The following CRTAP variants were observed in gnomAD, a reference collection of about 807,000 sequenced individuals.
CRTAP encodes the protein cartilage-associated protein.
Under a neutral mutation model 42.7 loss-of-function variants are expected in CRTAP, and 33 were observed. The ratio of observed to expected loss-of-function variants is 0.77; its 90% confidence interval spans 0.59 to 1.03. The LOEUF is 1.03. Ranked by LOEUF, CRTAP falls within the 50% of genes least tolerant of loss-of-function variation. The probability of loss-of-function intolerance (pLI) is 0.00; values close to 1 mark genes in which losing one functional copy is unlikely to be tolerated. For synonymous variants in CRTAP, 243 were observed against 217.7 expected, an observed-to-expected ratio of 1.12 and a Z score of -1.02; for missense variants, 613 against 533.9, an observed-to-expected ratio of 1.15 and a Z score of -1.46.
chr3:33,127,696 C>T (rs1303206506), intron 3 of CRTAP, among the ~76,000 whole-genome samples: 1 of 152,038 alleles, frequency 6.6e-6, no homozygotes, highest in Non-Finnish European at 1.5e-5. Flanking sequence ...GATCCACCCA[C>T]CTCGGCCTCC....
In CRTAP at chr3:33,124,554, C is replaced by G. The variant is rs771794551; in HGVS notation, c.768C>G (p.Phe256Leu). The change falls in exon 3 of 7, where the codon TTC becomes TTG. Residue 256 changes from phenylalanine to leucine, a missense_variant. By Grantham distance (22) the Phe-to-Leu change is conservative. Transcript: ENST00000320954. Reference sequence around the variant, plus strand: ...AGGGTTCCAGGGAGATCAAGGACTTCAAGGATTTCTACCTTTCCATAGCAG... The same window carrying G: ...AGGGTTCCAGGGAGATCAAGGACTTGAAGGATTTCTACCTTTCCATAGCAG... ...ACEGSREIKDFKDFYLSIADH... is the reference protein window; with the variant it reads ...ACEGSREIKDLKDFYLSIADH... 6.2e-7 allele frequency: 1 copy of G among 1,614,214 alleles called. No homozygotes were observed. Among genetic ancestry groups the G allele is most frequent in the Admixed American group, 1.7e-5 (1 of 60,020 alleles).
At chr3:33,119,265 T>C (rs914472331) in intron 1 of CRTAP, among the ~76,000 whole-genome samples, 2 of 152,224 alleles carry the variant, frequency 1.3e-5, no homozygotes, top group African/African-American at 4.8e-5. Flanking sequence ...TATTGTGTCC[T>C]GCCTTGTCCT....
In CRTAP at chr3:33,142,842, C is replaced by T. The variant is rs568718971; in HGVS notation, c.*394C>T. The T allele has an allele frequency of 4.8e-5, 11 of 227,104 alleles. No homozygotes were observed. Among genetic ancestry groups the T allele is most frequent in the East Asian group, 1.0e-4 (1 of 9,926 alleles). 14.1% of individuals were successfully genotyped at this position (227,104 alleles called of 1,614,324 possible). A position where few individuals can be genotyped will look rare whatever the true frequency, so the allele number is the denominator to read the frequency against. On this transcript the variant is annotated 3_prime_UTR_variant, in exon 7 of 7. Coordinates refer to ENST00000320954, the MANE Select transcript of CRTAP (RefSeq NM_006371.5). Reference sequence around the variant, plus strand: ...GCTAATTTTGTATTTTTAGTAGAGACGGGGTTTTGCCATGTTGGCCAGGCT... The same window carrying T: ...GCTAATTTTGTATTTTTAGTAGAGATGGGGTTTTGCCATGTTGGCCAGGCT...
At position 33,132,429 on chromosome 3, in the gene CRTAP, C is replaced by T. The variant is rs539739968; in HGVS notation, c.923-126C>T. ...CTGCCCACCCAGGGCTGCCAGTCGG[C>T]CCCAGGCTCTCTGAAGAAGGACTGT... is the stretch of plus-strand genomic sequence containing the variant. On this transcript the variant is annotated intron_variant, in intron 4 of 6. Coordinates refer to ENST00000320954, the MANE Select transcript of CRTAP (RefSeq NM_006371.5). 70 of 1,385,248 alleles carry T rather than the reference C, an allele frequency of 5.1e-5. No individual in the cohort carries two copies. In the East Asian group the frequency reaches 1.4e-3, roughly 27 times the overall value. The allele number at this position is 1,385,248 out of a possible 1,614,324, so 85.8% of individuals were successfully genotyped here. A position where few individuals can be genotyped will look rare whatever the true frequency, so the allele number is the denominator to read the frequency against.
intron 3 of CRTAP, 114 bp downstream of exon 3, chr3:33,124,693 C>T (rs934493506): frequency 2.0e-5 from 25 of 1,261,162 alleles, no homozygotes; most frequent in Non-Finnish European, 2.8e-5. Flanking sequence ...AATTTTTGAG[C>T]ATACTTATTA....
In CRTAP at chr3:33,122,709, CAAAAAAAAAAAA is replaced by C. The variant is rs58820155; in HGVS notation, c.622-1687_622-1676del. On this transcript the variant is annotated intron_variant, in intron 2 of 6. Coordinates refer to ENST00000320954, the MANE Select transcript of CRTAP (RefSeq NM_006371.5). ...TGGGCAACAGAGCAAGACTCTGTCT[CAAAAAAAAAAAA>C]AAAAAAAAAAAGAAGAAGAAAATCC... 4.8e-3 allele frequency among the ~76,000 whole-genome samples: 417 copies of C among 87,530 alleles called. 5 individuals carry two copies. Among genetic ancestry groups the C allele is most frequent in the African/African-American group, 0.018 (406 of 22,446 alleles). The allele number at this position is 87,530 out of a possible 152,430, so 57.4% of individuals were successfully genotyped here. A position where few individuals can be genotyped will look rare whatever the true frequency, so the allele number is the denominator to read the frequency against.
chr3:33,129,368 A>G (rs1235426452), intron 3 of CRTAP, among the ~76,000 whole-genome samples: 1 of 152,188 alleles, frequency 6.6e-6, no homozygotes. Context: ...CCTAATTACA[A>G]AAGAGGTGTA....
chr3:33,114,550 C>G lies in CRTAP; in HGVS notation c.471+2C>G, dbSNP rs137853943. On this transcript the variant is annotated splice_donor_variant, in intron 1 of 6. Coordinates refer to ENST00000320954, the MANE Select transcript of CRTAP (RefSeq NM_006371.5). LOFTEE classifies it high-confidence loss of function. ...TTCCTGCAGTTCGCTTACTTCAAGG[C>G]AAGTCCGCCTCGCCCCGTCCCAGGC... 2 of 1,580,720 alleles carry G rather than the reference C, an allele frequency of 1.3e-6. No individual in the cohort carries two copies. Among genetic ancestry groups the G allele is most frequent in the Non-Finnish European group, 1.7e-6 (2 of 1,164,436 alleles).
intron 6 of CRTAP, among the ~76,000 whole-genome samples, chr3:33,139,475 ATTTTT>A (rs554392214): frequency 7.2e-6 from 1 of 139,146 alleles, no homozygotes. Flanking sequence ...AATTCGTTGA[ATTTTT>A]TTTTTTTTTT....
chr3:33,130,032 C>T lies in CRTAP; in HGVS notation c.887C>T (p.Thr296Ile). ...TATCCGGTTGAGAAATTTGTGGCTA[C>T]CATGTATCATTACTTGCAGTTTGCC... Reference protein sequence around the residue: ...GGYPVEKFVATMYHYLQFAYY... With the variant: ...GGYPVEKFVAIMYHYLQFAYY... Residue 296 changes from threonine (T) to isoleucine (I), a missense_variant, in exon 4 of 7, where the codon ACC (threonine) becomes ATC (isoleucine). Physicochemically the swap from Thr to Ile is moderately conservative, Grantham distance 89. Coordinates refer to ENST00000320954, the MANE Select transcript of CRTAP (RefSeq NM_006371.5). The T allele has an allele frequency of 6.2e-7, 1 of 1,613,760 alleles. No homozygotes were observed. The highest frequency in any genetic ancestry group is 8.5e-7 in the Non-Finnish European group (1 of 1,179,762).
rs2030220211 is a variant in CRTAP, at chr3:33,130,447, T to C, written c.922+380T>C. On this transcript the variant is annotated intron_variant, in intron 4 of 6. Coordinates refer to ENST00000320954, the MANE Select transcript of CRTAP (RefSeq NM_006371.5). ...TTTGTTTTTGTTATCATTATTTCCC[T>C]TCCTCCTTATCACTAGCTTTACTTT... Among the ~76,000 whole-genome samples the C allele has an allele frequency of 1.3e-5, 2 of 152,270 alleles. 1 individual carries two copies. Among genetic ancestry groups the C allele is most frequent in the South Asian group, 4.1e-4 (2 of 4,824 alleles).
At chr3:33,137,639 C>A (rs1252857670) in intron 6 of CRTAP, among the ~76,000 whole-genome samples, 2 of 152,210 alleles carry the variant, frequency 1.3e-5, no homozygotes, top group Non-Finnish European at 2.9e-5. Flanking sequence ...TATTTTCTCA[C>A]AATTTGTGGG....
At chr3:33,129,238 T>C (rs758942194) in intron 3 of CRTAP, among the ~76,000 whole-genome samples, 5 of 152,240 alleles carry the variant, frequency 3.3e-5, no homozygotes, top group African/African-American at 4.8e-5. Flanking sequence ...GTTCCTGTTT[T>C]GCTTCCATCA....
rs371999646 is a variant in CRTAP at position 33,142,498 on chromosome 3, C to T, written c.*50C>T. On this transcript the variant is annotated 3_prime_UTR_variant, in exon 7 of 7. Transcript: ENST00000320954. ...TCTTGGCGTTCAGGAAACACAGATT[C>T]TTTGTCCTTTTCCCAACAGCCCAGG... The T allele has an allele frequency of 1.3e-6, 2 of 1,577,748 alleles. No homozygotes were observed. The highest frequency in any genetic ancestry group is 2.7e-5 in the African/African-American group (2 of 74,146).
intron 1 of CRTAP, among the ~76,000 whole-genome samples, chr3:33,118,793 A>ACTC (rs1273513557): frequency 2.6e-5 from 4 of 152,098 alleles, no homozygotes; most frequent in African/African-American, 9.7e-5. Flanking sequence ...CCTCACAGGG[A>ACTC]GGCCTCTGCA....
In CRTAP at chr3:33,141,240, G is replaced by C. The variant is rs144858247; in HGVS notation, c.1153-1155G>C. On this transcript the variant is annotated intron_variant, in intron 6 of 6. Transcript: ENST00000320954. ...TAAAAGCAAACAATACCATCATCCC[G>C]CAAGTCACAACAGACACACAGCAGG... Among the ~76,000 whole-genome samples, 184 of 152,198 alleles carry C rather than the reference G, an allele frequency of 1.2e-3. 4 individuals are homozygous for C. In the East Asian group the frequency reaches 0.034, roughly 28 times the overall value.
At chr3:33,142,045 T>G (rs1416279343) in intron 6 of CRTAP, among the ~76,000 whole-genome samples, 1 of 152,044 alleles carries the variant, frequency 6.6e-6, no homozygotes, top group African/African-American at 2.4e-5. Context: ...AGGGAACAGA[T>G]AGAAAATGTT....
chr3:33,134,120 T>C, intron 5 of CRTAP, 62 bp from the exon 6 acceptor site: 2 of 1,131,606 alleles, frequency 1.8e-6, no homozygotes, highest in Non-Finnish European at 2.7e-6. Flanking sequence ...TGTTCCTCCC[T>C]CCTCCCAGTT....
rs1261731953 is a variant in CRTAP, at chr3:33,145,339, C to T, written c.*2891C>T. 1 of 152,368 alleles carries T rather than the reference C, an allele frequency of 6.6e-6. No homozygotes were observed. The highest frequency in any genetic ancestry group is 1.9e-4 in the East Asian group (1 of 5,190). The allele number at this position is 152,368 out of a possible 1,614,324, so 9.4% of individuals were successfully genotyped here. Reference sequence around the variant, plus strand: ...GTACTCCCAGCGGGGGTGTTTGGCCCGAGGAGTCAGTGTTATTACTGGTGG... The same window carrying T: ...GTACTCCCAGCGGGGGTGTTTGGCCTGAGGAGTCAGTGTTATTACTGGTGG... On this transcript the variant is annotated 3_prime_UTR_variant, in exon 7 of 7. Coordinates refer to ENST00000320954, the MANE Select transcript of CRTAP (RefSeq NM_006371.5). The surrounding 1 kb of genome is among the most constrained non-coding windows in gnomAD (Gnocchi z 4.3).
Sources: gnomAD v4.1 joint callset for allele counts (sites outside exome capture counted in the v4.1 genomes callset) on GRCh38, gnomAD v4.1.1 for gene constraint, Gnocchi (gnomAD v3.1) non-coding constraint, MANE v1.5 for transcripts, NCBI Gene and HGNC (gene_info 2026-07-23, HGNC 2026-07-21) for gene names.